Variants in PKD1 observed in about 807,000 individuals in gnomAD.
The protein encoded by PKD1 is polycystin 1, transient receptor potential channel interacting, also known as polycystin-1.
PKD1 carries 81 observed loss-of-function variants against 361.7 expected under a neutral mutation model. That is an observed-to-expected ratio of 0.22 (90% CI 0.19 to 0.27). The LOEUF is 0.27. Ranked by LOEUF, PKD1 falls within the 10% of genes least tolerant of loss-of-function variation. The probability of loss-of-function intolerance (pLI) is 1.00; values close to 1 mark genes in which losing one functional copy is unlikely to be tolerated. For missense variants in PKD1, 6,399 were observed against 6,118.3 expected, an observed-to-expected ratio of 1.05 and a Z score of -1.53; for synonymous variants, 3,615 against 2,818.3, an observed-to-expected ratio of 1.28 and a Z score of -8.95.
In PKD1 at chr16:2,107,946, C is replaced by T; in HGVS notation, c.7002G>A (p.Val2334=). The T allele has an allele frequency of 1.3e-6, 2 of 1,546,536 alleles. No homozygotes were observed. Among genetic ancestry groups the T allele is most frequent in the South Asian group, 1.2e-5 (1 of 84,004 alleles). The change falls in exon 16 of 46, where the codon GTG becomes GTA. Residue 2334 remains valine, a synonymous_variant. Coordinates refer to ENST00000262304, the MANE Select transcript of PKD1 (RefSeq NM_001009944.3). ...TIPRERLAAG[V]EYTFSLTVWK... is the part of the protein sequence containing the mutation. ...ACACGGTCAGGCTGAAGGTGTACTC[C>T]ACGCCAGCCGCCAGCCGCTCCCGTG... is the stretch of plus-strand genomic sequence containing the variant.
intron 1 of PKD1, among the ~76,000 whole-genome samples, chr16:2,129,895 G>A (rs1412345247): frequency 7.2e-5 from 11 of 151,838 alleles, no homozygotes; most frequent in Non-Finnish European, 1.2e-4. Context: ...AGTGTTCCCT[G>A]TATGATCTGG....
rs543886409 is a variant in PKD1 at position 2,113,725 on chromosome 16, T to C, written c.2854-433A>G. The C allele has an allele frequency of 4.5e-5, 16 of 356,036 alleles. No homozygotes were observed. In the East Asian group the frequency reaches 1.0e-3, roughly 22 times the overall value. 22.1% of individuals were successfully genotyped at this position (356,036 alleles called of 1,614,324 possible). A position where few individuals can be genotyped will look rare whatever the true frequency, so the allele number is the denominator to read the frequency against. ...TTCTGATGGCCCCTCCCAAGGCCCC[T>C]GGTGAAGAGGCAGGTACCCGCAAGA... On this transcript the variant is annotated intron_variant, in intron 11 of 45. Transcript: ENST00000262304.
chr16:2,134,651 C>G (rs2092928875), intron 1 of PKD1, among the ~76,000 whole-genome samples: 1 of 151,616 alleles, frequency 6.6e-6, no homozygotes, highest in Admixed American at 6.6e-5. Flanking sequence ...CTCTCCAAAC[C>G]TGTTTCCTCA....
At position 2,108,831 on chromosome 16, in the gene PKD1, G is replaced by A. The variant is rs1413072253; in HGVS notation, c.6336C>T (p.His2112=). ...GQDTDEPRAE[H]SYLRPGDYRV... is the part of the protein sequence containing the mutation. ...GGTAGTCCCCAGGCCTCAGGTAGGA[G>A]TGCTCGGCCCTGGGCTCATCTGTGT... The change falls in exon 15 of 46, where the codon CAC becomes CAT. Residue 2112 remains histidine (H), a synonymous_variant. Transcript: ENST00000262304. 3 of 1,571,142 alleles carry A rather than the reference G, an allele frequency of 1.9e-6. No individual in the cohort carries two copies. The highest frequency in any genetic ancestry group is 1.2e-5 in the South Asian group (1 of 86,170).
At chr16:2,107,452 G>A (rs62038820) in intron 16 of PKD1, 3 of 361,022 alleles carry the variant, frequency 8.3e-6, no homozygotes, top group Non-Finnish European at 1.6e-5. Flanking sequence ...CCCACTCTGG[G>A]GCACCAGCAG....
chr16:2,099,967 T>A lies in PKD1; in HGVS notation c.9817A>T (p.Ser3273Cys), dbSNP rs1333442702. Reference sequence around the variant, plus strand: ...GCCCTCTGGATGCGAGTGAAACGGCTACGAGGCGGCCGGTCCCATATGGAG... The same window carrying A: ...GCCCTCTGGATGCGAGTGAAACGGCAACGAGGCGGCCGGTCCCATATGGAG... ...WLSIWDRPPRSRFTRIQRATC... is the reference protein window; with the variant it reads ...WLSIWDRPPRCRFTRIQRATC... The change falls in exon 29 of 46, where the codon AGC becomes TGC. Residue 3273 changes from serine to cysteine, a missense_variant. Coordinates refer to ENST00000262304, the MANE Select transcript of PKD1 (RefSeq NM_001009944.3). The A allele has an allele frequency of 6.4e-7, 1 of 1,563,560 alleles. No individual in the cohort carries two copies. Among genetic ancestry groups the A allele is most frequent in the South Asian group, 1.2e-5 (1 of 85,614 alleles).
At chr16:2,104,371 G>T (rs1283027106) in intron 22 of PKD1, 127 bp downstream of exon 22, 20 of 559,264 alleles carry the variant, frequency 3.6e-5, no homozygotes, top group African/African-American at 3.3e-4. Context: ...GATGAGGATG[G>T]GAATTGGGGG....
chr16:2,127,119 A>G (rs2092809076), intron 1 of PKD1, among the ~76,000 whole-genome samples: 1 of 152,096 alleles, frequency 6.6e-6, no homozygotes, highest in Non-Finnish European at 1.5e-5. Flanking sequence ...CAAAGCTCCC[A>G]AAGACTCTCG....
chr16:2,118,418 C>A lies in PKD1; in HGVS notation c.574G>T (p.Val192Leu), dbSNP rs1332256034. 8.1e-7 allele frequency: 1 copy of A among 1,232,216 alleles called. No individual in the cohort carries two copies. Among genetic ancestry groups the A allele is most frequent in the Non-Finnish European group, 1.1e-6 (1 of 870,178 alleles). The allele number at this position is 1,232,216 out of a possible 1,614,324, so 76.3% of individuals were successfully genotyped here. A position where few individuals can be genotyped will look rare whatever the true frequency, so the allele number is the denominator to read the frequency against. ...GCAGCTGAAAAGGACACTGCTGCCA[C>A]GGTGCCTGAGCTGTTGTCAGGGAGG... ...ACLPDNSSGT[V>L]AAVSFSAAHE... The change falls in exon 5 of 46, where the codon GTG (valine) becomes TTG (leucine). Residue 192 changes from valine to leucine, a missense_variant. Transcript: ENST00000262304. This position sits in a 1 kb window ranked among gnomAD's most constrained non-coding sequence, Gnocchi z 6.0.
At position 2,089,156 on chromosome 16, in the gene PKD1, A is replaced by G. The variant is rs974154277; in HGVS notation, c.*571T>C. The stretch of plus-strand genomic sequence containing the variant: ...GCATCCAAGCAGCAGCCGGGCTGCC[A>G]TAACGCCACCACACCTACCAAGCGC... On this transcript the variant is annotated 3_prime_UTR_variant, in exon 46 of 46. Transcript: ENST00000262304. 4.7e-5 allele frequency: 8 copies of G among 170,946 alleles called. No homozygotes were observed. Among genetic ancestry groups the G allele is most frequent in the African/African-American group, 1.4e-4 (6 of 41,818 alleles). 10.6% of individuals were successfully genotyped at this position (170,946 alleles called of 1,614,324 possible).
At chr16:2,126,849 C>T (rs1407365299) in intron 1 of PKD1, among the ~76,000 whole-genome samples, 2 of 152,194 alleles carry the variant, frequency 1.3e-5, no homozygotes, top group East Asian at 1.9e-4. Flanking sequence ...GGTGGGGGAG[C>T]GAGGGCAGTG....
In PKD1 at chr16:2,111,811, G is replaced by A. The variant is rs200726460; in HGVS notation, c.3356C>T (p.Pro1119Leu). The A allele has an allele frequency of 2.5e-6, 4 of 1,609,898 alleles. No homozygotes were observed. Among genetic ancestry groups the A allele is most frequent in the South Asian group, 1.1e-5 (1 of 90,928 alleles). Residue 1119 changes from proline (P) to leucine (L), a missense_variant, in exon 15 of 46, where the codon CCT becomes CTT. By Grantham distance (98) the Pro-to-Leu change is moderately conservative (BLOSUM62 -3). Transcript: ENST00000262304. ...GGGCAGGGAGGCGCGCACGCTCACAGGCACCTGCTGCGTCAGGTTCTCGAA... is the reference window on the plus strand; with the variant it reads ...GGGCAGGGAGGCGCGCACGCTCACAAGCACCTGCTGCGTCAGGTTCTCGAA... ...NAFENLTQQVPVSVRASLPSV... is the reference protein window; with the variant it reads ...NAFENLTQQVLVSVRASLPSV...
At chr16:2,093,290 C>G (rs1196055117) in intron 37 of PKD1, 197 bp from the exon 38 acceptor site, 6 of 700,912 alleles carry the variant, frequency 8.6e-6, no homozygotes, top group Non-Finnish European at 1.5e-5. Context: ...GGCAGACACA[C>G]AGGCCACTGC....
rs866956618 is a variant in PKD1, at chr16:2,101,167, T to A, written c.9398-601A>T. 4.5e-4 allele frequency among the ~76,000 whole-genome samples: 68 copies of A among 152,098 alleles called. 3 individuals are homozygous for A. The highest frequency in any genetic ancestry group is 3.4e-3 in the Middle Eastern group (1 of 294). On this transcript the variant is annotated intron_variant, in intron 26 of 45. Coordinates refer to ENST00000262304, the MANE Select transcript of PKD1 (RefSeq NM_001009944.3). ...CGCCGGGCTAATTTTTTTGTACTTT[T>A]TATTAGAGACAGGGTTTCACCGTTA...
At chr16:2,119,508 G>T in intron 1 of PKD1, 130 bp from the exon 2 acceptor site, 2 of 706,980 alleles carry the variant, frequency 2.8e-6, no homozygotes, top group East Asian at 5.4e-5. Context: ...CACTCCCAGA[G>T]GTCAGGAGGG....
chr16:2,102,690 A>G (rs947894650), intron 24 of PKD1, 57 bp from the exon 25 acceptor site: 9 of 1,609,696 alleles, frequency 5.6e-6, no homozygotes, highest in Admixed American at 1.7e-5. Context: ...TGGATGTCGC[A>G]GTCTCAGAGC....
rs376712315 is a variant in PKD1 at position 2,103,667 on chromosome 16, C to T, written c.8390G>A (p.Gly2797Asp). 9.9e-6 allele frequency: 16 copies of T among 1,610,216 alleles called. No individual in the cohort carries two copies. The highest frequency in any genetic ancestry group is 4.5e-4 in the Middle Eastern group (2 of 4,452). Residue 2797 changes from glycine (G) to aspartate (D), a missense_variant, in exon 23 of 46, where the codon GGC (glycine) becomes GAC (aspartate). Coordinates refer to ENST00000262304, the MANE Select transcript of PKD1 (RefSeq NM_001009944.3). ...RSDPRSLLCY[G>D]GAPGPGCHFS... Reference sequence around the variant, plus strand: ...GTGGCAGCCAGGCCCTGGGGCGCCGCCATAGCACAGCAGGCTCCGCGGGTC... The same window carrying T: ...GTGGCAGCCAGGCCCTGGGGCGCCGTCATAGCACAGCAGGCTCCGCGGGTC...
chr16:2,117,416 C>G (rs1335872804), intron 6 of PKD1, 73 bp downstream of exon 6: 1 of 1,196,702 alleles, frequency 8.4e-7, no homozygotes, highest in African/African-American at 1.5e-5. Flanking sequence ...CTGAGACTCC[C>G]CAGCCGCAGG....
chr16:2,113,024 T>G, intron 12 of PKD1, 61 bp from the exon 13 acceptor site: 1 of 1,501,004 alleles, frequency 6.7e-7, no homozygotes, highest in South Asian at 1.1e-5. Flanking sequence ...CTGATTGGCG[T>G]CCCTCCCTCC....
Sources: allele counts gnomAD v4.1 joint callset (sites outside exome capture counted in the v4.1 genomes callset), GRCh38; gene constraint gnomAD v4.1.1; non-coding constraint Gnocchi (gnomAD v3.1); transcripts MANE v1.5; gene names NCBI Gene and HGNC (gene_info 2026-07-23, HGNC 2026-07-21).